Variants in KLF8 observed in about 807,000 individuals in gnomAD.
The protein encoded by KLF8 is KLF transcription factor 8, also known as Krueppel-like factor 8.
In KLF8, 10 loss-of-function variants were observed where a neutral mutation model predicts 18.2. The observed-to-expected ratio is 0.55, with a 90% CI of 0.34 to 0.93. The LOEUF is 0.93. Ranked by LOEUF, KLF8 falls within the 40% of genes least tolerant of loss-of-function variation. KLF8 has a pLI of 0.02. For missense variants in KLF8, 264 were observed against 277.9 expected, an observed-to-expected ratio of 0.95 and a Z score of 0.36; for synonymous variants, 109 against 97.3, an observed-to-expected ratio of 1.12 and a Z score of -0.71.
At chrX:56,189,660 C>A in the KLF8 span, among the ~76,000 whole-genome samples, 2 of 110,294 alleles carry the variant, frequency 1.8e-5, no homozygotes, top group East Asian at 5.7e-4. Flanking sequence ...GAAAATGTGG[C>A]ACATATACAC....
At chrX:56,262,909 C>T (rs899828905) in intron 2 of KLF8, among the ~76,000 whole-genome samples, 1 of 111,787 alleles carries the variant, frequency 8.9e-6, no homozygotes, top group African/African-American at 3.3e-5. Flanking sequence ...AGGCATGAGC[C>T]ACCGCGCCCG....
chrX:56,092,162 TA>T, the KLF8 span, among the ~76,000 whole-genome samples: 1 of 111,185 alleles, frequency 9.0e-6, no homozygotes, highest in Admixed American at 9.6e-5. Context: ...CATTTTTAAA[TA>T]GGGTTATTTG....
At chrX:55,976,074 A>T in the KLF8 span, among the ~76,000 whole-genome samples, 2 of 111,823 alleles carry the variant, frequency 1.8e-5, no homozygotes, top group Non-Finnish European at 3.8e-5. Context: ...ACGCCATTGC[A>T]CTCCAGCCTG....
the KLF8 span, among the ~76,000 whole-genome samples, chrX:55,941,782 G>T: frequency 8.9e-6 from 1 of 112,093 alleles, no homozygotes; most frequent in South Asian, 3.7e-4. Context: ...ATCATCACTG[G>T]CCATCAGATG....
chrX:55,966,763 C>G, the KLF8 span, among the ~76,000 whole-genome samples: 1 of 111,710 alleles, frequency 9.0e-6, no homozygotes. Context: ...AAAACATGCC[C>G]TCACCAAACG....
At chrX:56,138,042 A>T in the KLF8 span, among the ~76,000 whole-genome samples, 2 of 70,677 alleles carry the variant, frequency 2.8e-5, no homozygotes, top group African/African-American at 1.0e-4. Flanking sequence ...ACCCCACAGA[A>T]ATACAAAAAA....
At chrX:56,047,195 T>C in the KLF8 span, among the ~76,000 whole-genome samples, 1 of 86,990 alleles carries the variant, frequency 1.1e-5, no homozygotes, top group Non-Finnish European at 2.3e-5. Flanking sequence ...AAGTGTGTCC[T>C]TGATTTCCAG....
the KLF8 span, among the ~76,000 whole-genome samples, chrX:55,948,061 A>C: frequency 2.7e-5 from 3 of 111,756 alleles, no homozygotes; most frequent in African/African-American, 9.8e-5. Context: ...GAAGTTGGGA[A>C]GTATAGCTCA....
the KLF8 span, among the ~76,000 whole-genome samples, chrX:55,992,159 C>T: frequency 8.9e-6 from 1 of 112,319 alleles, no homozygotes; most frequent in African/African-American, 3.2e-5. Context: ...GAGTCTTCAT[C>T]ATGAAATATT....
chrX:56,220,644 C>G, the KLF8 span, among the ~76,000 whole-genome samples: 1 of 111,098 alleles, frequency 9.0e-6, no homozygotes, highest in Non-Finnish European at 1.9e-5. Context: ...CGCCACCACA[C>G]CCAGCTAATT....
At chrX:56,048,491 G>C in the KLF8 span, among the ~76,000 whole-genome samples, 1 of 111,806 alleles carries the variant, frequency 8.9e-6, no homozygotes, top group Admixed American at 9.5e-5. Flanking sequence ...CATATGGCTA[G>C]CCAGTTTTCC....
At chrX:55,932,118 G>T in the KLF8 span, among the ~76,000 whole-genome samples, 1 of 110,952 alleles carries the variant, frequency 9.0e-6, no homozygotes, top group South Asian at 3.8e-4. Flanking sequence ...TTACCATTAT[G>T]TAATGGCCTT....
At chrX:55,936,453 T>G in the KLF8 span, among the ~76,000 whole-genome samples, 384 of 112,817 alleles carry the variant, frequency 3.4e-3, no homozygotes, top group African/African-American at 0.012. Flanking sequence ...GTATGAGCGA[T>G]GCAGAAGATG....
intron 2 of KLF8, among the ~76,000 whole-genome samples, chrX:56,263,889 C>T (rs944172328): frequency 6.2e-5 from 7 of 112,020 alleles, no homozygotes; most frequent in African/African-American, 2.3e-4. Context: ...TCCCTTGTTA[C>T]TCCTCTCTTC....
the KLF8 span, among the ~76,000 whole-genome samples, chrX:56,002,117 ATCT>A: frequency 9.0e-6 from 1 of 111,658 alleles, no homozygotes; most frequent in African/African-American, 3.3e-5. Flanking sequence ...CTCCAACTTC[ATCT>A]TCTATCACTC....
At chrX:56,095,673 C>T in the KLF8 span, among the ~76,000 whole-genome samples, 1 of 111,376 alleles carries the variant, frequency 9.0e-6, no homozygotes, top group Non-Finnish European at 1.9e-5. Context: ...AAAAAAAAGA[C>T]ATACGAGTGA....
the KLF8 span, among the ~76,000 whole-genome samples, chrX:56,155,170 G>A: frequency 9.0e-6 from 1 of 111,444 alleles, no homozygotes; most frequent in Non-Finnish European, 1.9e-5. Flanking sequence ...ATTTATTGTG[G>A]CACTATTCAC....
the KLF8 span, among the ~76,000 whole-genome samples, chrX:56,027,651 CT>C: frequency 1.8e-5 from 2 of 111,985 alleles, no homozygotes; most frequent in Non-Finnish European, 3.8e-5. Context: ...TCCTGGACAT[CT>C]TTCTCCTTGT....
the KLF8 span, among the ~76,000 whole-genome samples, chrX:55,938,772 C>A: frequency 9.0e-6 from 1 of 111,256 alleles, no homozygotes. Context: ...TCAAAAGAGA[C>A]AAAGAAGACC....
Sources: gnomAD v4.1 joint callset for allele counts (sites outside exome capture counted in the v4.1 genomes callset) on GRCh38, gnomAD v4.1.1 for gene constraint, MANE v1.5 for transcripts, NCBI Gene and HGNC (gene_info 2026-07-23, HGNC 2026-07-21) for gene names.